OPA1: variants seen among roughly 807,000 people sequenced by gnomAD.
OPA1 encodes the protein OPA1 mitochondrial dynamin like GTPase, also known as dynamin-like GTPase OPA1, mitochondrial.
OPA1 carries 59 observed loss-of-function variants against 152.9 expected under a neutral mutation model. The observed-to-expected ratio is 0.39, with a 90% CI of 0.31 to 0.48. The LOEUF (loss-of-function observed/expected upper bound fraction) is 0.48, where lower values mean the gene tolerates loss of function less well. Ranked by LOEUF, OPA1 falls within the 20% of genes least tolerant of loss-of-function variation. The pLI is 0.96. For synonymous variants in OPA1, 400 were observed against 389.9 expected (o/e 1.03, Z -0.31); for missense variants, 1,008 against 1,216.8 (o/e 0.83, Z 2.55).
At chr3:193,686,617 T>C (rs1199587895) in intron 29 of OPA1, among the ~76,000 whole-genome samples, 1 of 152,154 alleles carries the variant, frequency 6.6e-6, no homozygotes, top group Non-Finnish European at 1.5e-5. Flanking sequence ...TTCCTTTTTT[T>C]GTTTCCCCCA....
chr3:193,648,300 TTTAAA>T (rs1307981427), intron 20 of OPA1, 166 bp downstream of exon 20: 2 of 563,934 alleles, frequency 3.5e-6, no homozygotes, highest in Non-Finnish European at 6.3e-6. Context: ...CTTTCAGTAA[TTTAAA>T]TTATTTATTA....
intron 17 of OPA1, 34 bp from the exon 18 acceptor site, chr3:193,645,694 T>C (rs1734472092): frequency 2.5e-6 from 4 of 1,610,082 alleles, no homozygotes; most frequent in South Asian, 2.2e-5. Context: ...AGAGTAATTT[T>C]CTTGATGAAA....
intron 29 of OPA1, chr3:193,668,270 A>G (rs960233822): frequency 2.8e-6 from 4 of 1,441,478 alleles, no homozygotes; most frequent in South Asian, 1.2e-5. Context: ...CAGTCCTCCT[A>G]TACGTAACCC....
At chr3:193,659,094 G>A in intron 24 of OPA1, 99 bp downstream of exon 24, 1 of 879,450 alleles carries the variant, frequency 1.1e-6, no homozygotes, top group Non-Finnish European at 1.9e-6. Flanking sequence ...ACATTTCAAA[G>A]TCTTTGTCAT....
chr3:193,652,841 C>T (rs1712859135), intron 21 of OPA1, among the ~76,000 whole-genome samples: 2 of 152,036 alleles, frequency 1.3e-5, no homozygotes, highest in Non-Finnish European at 2.9e-5. Context: ...ATAACAGCTG[C>T]ATCTGTGGAT....
intron 27 of OPA1, among the ~76,000 whole-genome samples, chr3:193,665,264 AT>A (rs1236811239): frequency 9.3e-6 from 1 of 107,970 alleles, no homozygotes; most frequent in Non-Finnish European, 1.9e-5. Context: ...AGTAAAAAAA[AT>A]AAATAAATAA....
At chr3:193,648,194 A>G (rs1416890169) in intron 20 of OPA1, 60 bp downstream of exon 20, 4 of 1,315,012 alleles carry the variant, frequency 3.0e-6, no homozygotes, top group Non-Finnish European at 4.4e-6. Context: ...TTTGCTAACT[A>G]AATTTATGTT....
At chr3:193,666,776 T>C (rs1313680716) in intron 28 of OPA1, among the ~76,000 whole-genome samples, 1 of 151,904 alleles carries the variant, frequency 6.6e-6, no homozygotes, top group Non-Finnish European at 1.5e-5. Context: ...GGTGACAGAG[T>C]AAGACCTTGT....
intron 6 of OPA1, among the ~76,000 whole-genome samples, chr3:193,621,200 A>C (rs1730000740): frequency 6.6e-6 from 1 of 152,272 alleles, no homozygotes; most frequent in South Asian, 2.1e-4. Flanking sequence ...ATTGAAAAAC[A>C]TTTCTACAAC....
intron 6 of OPA1, among the ~76,000 whole-genome samples, chr3:193,620,281 T>C (rs929573621): frequency 6.6e-6 from 1 of 152,182 alleles, no homozygotes; most frequent in Non-Finnish European, 1.5e-5. Context: ...GTCTGCTTTC[T>C]CTCTTATGGC....
chr3:193,663,797 T>C (rs1466557033), intron 26 of OPA1, among the ~76,000 whole-genome samples: 1 of 152,044 alleles, frequency 6.6e-6, no homozygotes, highest in African/African-American at 2.4e-5. Flanking sequence ...AAAAATAAAA[T>C]TGGTAAAACT....
At chr3:193,688,901 G>A (rs867547298) in intron 29 of OPA1, among the ~76,000 whole-genome samples, 2 of 152,132 alleles carry the variant, frequency 1.3e-5, no homozygotes, top group African/African-American at 2.4e-5. Flanking sequence ...TAGGAGAATC[G>A]CTTGAGCCTG....
At position 193,694,919 on chromosome 3, in the gene OPA1, C is replaced by T. The variant is rs945458300; in HGVS notation, c.*319C>T. On this transcript the variant is annotated 3_prime_UTR_variant, in exon 31 of 31. Coordinates refer to ENST00000361510, the MANE Select transcript of OPA1 (RefSeq NM_130837.3). ...GTTTGTTGTCTTATTTGTGGTGGCA[C>T]TCGTTTAATGGATTAACTGAGGTTG... 1 of 152,184 alleles carries T rather than the reference C, an allele frequency of 6.6e-6. No homozygotes were observed. The highest frequency in any genetic ancestry group is 6.5e-5 in the Admixed American group (1 of 15,280). 9.4% of individuals were successfully genotyped at this position (152,184 alleles called of 1,614,324 possible).
intron 8 of OPA1, among the ~76,000 whole-genome samples, chr3:193,634,399 T>C (rs1732608704): frequency 6.6e-6 from 1 of 152,056 alleles, no homozygotes; most frequent in African/African-American, 2.4e-5. Flanking sequence ...GGCTACACAT[T>C]TTCCTTCTCA....
Position 193,615,054 on chromosome 3 carries a change from T to C in OPA1, c.351+13T>C, listed in dbSNP as rs763656200. 1.9e-6 allele frequency: 3 copies of C among 1,593,812 alleles called. No homozygotes were observed. In the Admixed American group the frequency reaches 5.0e-5, roughly 27 times the overall value. On this transcript the variant is annotated intron_variant, in intron 2 of 30. Transcript: ENST00000361510. ...CACAGCCAAAAAGGTGAACTTGACA[T>C]TCCTCCTGGTTTTCCAATTATTATA... is the stretch of plus-strand genomic sequence containing the variant.
Position 193,648,127 on chromosome 3 carries a change from T to A in OPA1, c.1928T>A (p.Leu643His). The A allele has an allele frequency of 6.2e-7, 1 of 1,609,912 alleles. No homozygotes were observed. The highest frequency in any genetic ancestry group is 8.5e-7 in the Non-Finnish European group (1 of 1,176,190). Residue 643 changes from leucine (L) to histidine (H), a missense_variant, in exon 20 of 31, where the codon CTT becomes CAT. By Grantham distance (99) the Leu-to-His change is moderately conservative. Around this residue, in one of 7 missense-constraint regions of OPA1, gnomAD observed 229 missense variants for 269.0 expected, o/e 0.85. Coordinates refer to ENST00000361510, the MANE Select transcript of OPA1 (RefSeq NM_130837.3). ...WKNNYPRLRE[L>H]DRNELFEKAK... ...AATAACTATCCTCGCCTGCGGGAAC[T>A]TGACCGGGTAATATTTGGATACTCG...
At chr3:193,679,732 A>T (rs1237773253) in intron 29 of OPA1, among the ~76,000 whole-genome samples, 1 of 152,190 alleles carries the variant, frequency 6.6e-6, no homozygotes, top group African/African-American at 2.4e-5. Flanking sequence ...AGGATCTATA[A>T]CAATGAATTT....
chr3:193,598,538 A>G (rs1051128698), intron 1 of OPA1, among the ~76,000 whole-genome samples: 1 of 152,254 alleles, frequency 6.6e-6, no homozygotes, highest in Non-Finnish European at 1.5e-5. Context: ...GAGAAAAACA[A>G]TAAGGCTCAT....
intron 11 of OPA1, 43 bp from the exon 12 acceptor site, chr3:193,642,722 C>A: frequency 1.4e-6 from 2 of 1,387,964 alleles, no homozygotes; most frequent in Non-Finnish European, 2.1e-6. Context: ...ATTAATATTA[C>A]TTATAAATAC....
Sources: gnomAD v4.1 joint callset for allele counts (sites outside exome capture counted in the v4.1 genomes callset) on GRCh38, gnomAD v4.1.1 for gene constraint, gnomAD v4.1.1 regional missense constraint, MANE v1.5 for transcripts, NCBI Gene and HGNC (gene_info 2026-07-23, HGNC 2026-07-21) for gene names.